The following FGF14 variants were observed in gnomAD, a reference collection of about 807,000 sequenced individuals.
The protein encoded by FGF14 is fibroblast growth factor homologous factor 4.
Under a neutral mutation model 25.5 loss-of-function variants are expected in FGF14, and 5 were observed. That is an observed-to-expected ratio of 0.20 (90% CI 0.10 to 0.41). The LOEUF (loss-of-function observed/expected upper bound fraction) is 0.41, where lower values mean the gene tolerates loss of function less well. Ranked by LOEUF, FGF14 falls within the 10% of genes least tolerant of loss-of-function variation. The pLI is 1.00. For missense variants in FGF14, 222 were observed against 320.1 expected (o/e 0.69, Z 2.34); for synonymous variants, 138 against 118.3 (o/e 1.17, Z -1.08).
chr13:102,087,277 T>A (rs977741008), intron 1 of FGF14, among the ~76,000 whole-genome samples: 1 of 151,942 alleles, frequency 6.6e-6, no homozygotes, highest in Non-Finnish European at 1.5e-5. Context: ...TGAAGTCAAG[T>A]CAGTGAAGCA....
intron 1 of FGF14, among the ~76,000 whole-genome samples, chr13:102,312,670 C>G (rs2055831111): frequency 6.6e-6 from 1 of 152,090 alleles, no homozygotes; most frequent in South Asian, 2.1e-4. Flanking sequence ...TCAGTGATAG[C>G]CCTAGGAAAA....
At chr13:102,253,674 A>T (rs916674396) in intron 1 of FGF14, among the ~76,000 whole-genome samples, 4 of 152,028 alleles carry the variant, frequency 2.6e-5, no homozygotes, top group Admixed American at 2.6e-4. Context: ...GTTTAATAAG[A>T]TCCCATGTGT....
intron 1 of FGF14, among the ~76,000 whole-genome samples, chr13:102,296,711 G>A (rs879423705): frequency 6.6e-6 from 1 of 152,112 alleles, no homozygotes. Flanking sequence ...AGCAGCTTTG[G>A]AGACTGTCTT....
At chr13:101,813,736 A>G (rs2041695586) in intron 3 of FGF14, among the ~76,000 whole-genome samples, 1 of 152,248 alleles carries the variant, frequency 6.6e-6, no homozygotes, top group Non-Finnish European at 1.5e-5. Flanking sequence ...TGTATTTAAA[A>G]TTAAAATAAA....
intron 1 of FGF14, among the ~76,000 whole-genome samples, chr13:101,981,082 A>AACACACACACAC (rs58666555): frequency 0.014 from 1,682 of 123,732 alleles, 48 homozygotes; most frequent in East Asian, 0.094. Flanking sequence ...TCTCTACTAA[A>AACACACACACAC]ACACACACAC....
intron 1 of FGF14, among the ~76,000 whole-genome samples, chr13:102,214,847 C>G (rs2050306240): frequency 6.6e-6 from 1 of 152,098 alleles, no homozygotes; most frequent in South Asian, 2.1e-4. Flanking sequence ...AATTATCCAG[C>G]CCAAAATGTC....
intron 1 of FGF14, among the ~76,000 whole-genome samples, chr13:101,875,666 C>T (rs571202346): frequency 1.3e-5 from 2 of 152,154 alleles, no homozygotes; most frequent in East Asian, 3.9e-4. Flanking sequence ...ACTGGTGACT[C>T]TCAGAAATTT....
At chr13:102,385,686 CTATTAA>C (rs2058285436) in intron 1 of FGF14, among the ~76,000 whole-genome samples, 1 of 152,148 alleles carries the variant, frequency 6.6e-6, no homozygotes, top group African/African-American at 2.4e-5. Context: ...CTTCAAATTA[CTATTAA>C]TATCAATCCT....
At chr13:101,896,963 C>T (rs923830924) in intron 1 of FGF14, among the ~76,000 whole-genome samples, 45 of 152,018 alleles carry the variant, frequency 3.0e-4, no homozygotes, top group African/African-American at 1.0e-3. Context: ...AGAAAATATA[C>T]TAGAGACAAA....
At chr13:102,193,867 G>A (rs1299821601) in intron 1 of FGF14, among the ~76,000 whole-genome samples, 2 of 148,030 alleles carry the variant, frequency 1.4e-5, no homozygotes, top group Admixed American at 6.9e-5. Context: ...AGGGGAATAT[G>A]GCCCCAAAAC....
At chr13:102,338,768 C>G (rs906162238) in intron 1 of FGF14, among the ~76,000 whole-genome samples, 2 of 152,042 alleles carry the variant, frequency 1.3e-5, no homozygotes, top group African/African-American at 4.8e-5. Context: ...AATCCCAACA[C>G]TTTGGGAGGC....
At chr13:101,987,787 A>T (rs1029622673) in intron 1 of FGF14, among the ~76,000 whole-genome samples, 7 of 152,052 alleles carry the variant, frequency 4.6e-5, no homozygotes, top group Admixed American at 6.6e-5. Flanking sequence ...TGTTTTCATT[A>T]TTAGTCTTAA....
At chr13:102,364,880 C>T (rs994653314) in intron 1 of FGF14, among the ~76,000 whole-genome samples, 2 of 152,126 alleles carry the variant, frequency 1.3e-5, no homozygotes, top group South Asian at 2.1e-4. Flanking sequence ...CACATATGGG[C>T]GAGATGCAAA....
At chr13:102,078,708 G>A (rs2043480778) in intron 1 of FGF14, among the ~76,000 whole-genome samples, 1 of 152,174 alleles carries the variant, frequency 6.6e-6, no homozygotes, top group Admixed American at 6.5e-5. Flanking sequence ...CACAGCTATA[G>A]AGAGTTAAAA....
At chr13:101,915,773 C>T (rs1170295597) in intron 1 of FGF14, among the ~76,000 whole-genome samples, 2 of 152,174 alleles carry the variant, frequency 1.3e-5, no homozygotes, top group Non-Finnish European at 2.9e-5. Flanking sequence ...TACTTCTGCC[C>T]CCCGCTCCCC....
At chr13:101,797,776 T>C (rs867633248) in intron 3 of FGF14, among the ~76,000 whole-genome samples, 2 of 139,568 alleles carry the variant, frequency 1.4e-5, no homozygotes, top group Non-Finnish European at 3.2e-5. Flanking sequence ...TGTGTGTGTG[T>C]GTGTGTTCAA....
At chr13:101,797,159 T>C (rs1039870956) in intron 3 of FGF14, among the ~76,000 whole-genome samples, 5 of 152,192 alleles carry the variant, frequency 3.3e-5, no homozygotes, top group African/African-American at 1.2e-4. Context: ...TGTTTCTTTG[T>C]AAACTTACTG....
chr13:101,872,351 C>T (rs2140465754), intron 2 of FGF14, among the ~76,000 whole-genome samples: 1 of 150,986 alleles, frequency 6.6e-6, no homozygotes, highest in Non-Finnish European at 1.5e-5. Flanking sequence ...TTATAACTCC[C>T]TGAATACAAA....
At chr13:102,075,841 C>A (rs2043339186) in intron 1 of FGF14, among the ~76,000 whole-genome samples, 1 of 151,924 alleles carries the variant, frequency 6.6e-6, no homozygotes, top group Non-Finnish European at 1.5e-5. Flanking sequence ...CCTGTATATG[C>A]CTAGGCTAAT....
Sources: allele counts gnomAD v4.1 joint callset (sites outside exome capture counted in the v4.1 genomes callset), GRCh38; gene constraint gnomAD v4.1.1; transcripts MANE v1.5; gene names NCBI Gene and HGNC (gene_info 2026-07-23, HGNC 2026-07-21).